The following JAG1 variants were observed in gnomAD, a reference collection of about 807,000 sequenced individuals.
JAG1 encodes the protein protein jagged-1.
JAG1 carries 23 observed loss-of-function variants against 148.7 expected under a neutral mutation model. That is an observed-to-expected ratio of 0.15 (90% confidence interval 0.11 to 0.22). The LOEUF (loss-of-function observed/expected upper bound fraction) is 0.22, where lower values mean the gene tolerates loss of function less well. Ranked by LOEUF, JAG1 falls within the 10% of genes least tolerant of loss-of-function variation. JAG1 has a pLI of 1.00. For synonymous variants in JAG1, 572 were observed against 598.3 expected (o/e 0.96, Z 0.64); for missense variants, 1,054 against 1,611.2 (o/e 0.65, Z 5.92).
chr20:10,666,384 G>A (rs770088244), intron 2 of JAG1, among the ~76,000 whole-genome samples: 26 of 152,228 alleles, frequency 1.7e-4, no homozygotes, highest in East Asian at 1.9e-4. Context: ...ATCAAAGCAG[G>A]GACCAGGCCA....
At chr20:10,644,557 C>A in intron 18 of JAG1, 173 bp from the exon 19 acceptor site, 1 of 689,066 alleles carries the variant, frequency 1.5e-6, no homozygotes. Context: ...GTTTCATTTG[C>A]TGTGGGACAC....
chr20:10,642,722 G>C, intron 20 of JAG1, 121 bp from the exon 21 acceptor site: 3 of 724,656 alleles, frequency 4.1e-6, no homozygotes, highest in Non-Finnish European at 7.5e-6. Context: ...TTTTCACTCA[G>C]GTAAGCAGCA....
At chr20:10,668,782 G>A (rs1162020932) in intron 2 of JAG1, among the ~76,000 whole-genome samples, 1 of 152,032 alleles carries the variant, frequency 6.6e-6, no homozygotes, top group Non-Finnish European at 1.5e-5. Flanking sequence ...GCAGCACTTA[G>A]ATTGCTGATT....
At position 10,639,967 on chromosome 20, in the gene JAG1, G is replaced by A. The variant is rs754439203; in HGVS notation, c.3200-12C>T. ...GGGAACAAGGAAATCTGTAAGGCAG[G>A]CACAAAACCAATTAACTCTCCAAGA... On this transcript the variant is annotated splice_polypyrimidine_tract_variant and intron_variant, in intron 25 of 25. Coordinates refer to ENST00000254958, the MANE Select transcript of JAG1 (RefSeq NM_000214.3). 17 of 1,596,026 alleles carry A rather than the reference G, an allele frequency of 1.1e-5. No individual in the cohort carries two copies. The highest frequency in any genetic ancestry group is 1.5e-5 in the Non-Finnish European group (17 of 1,163,896).
At chr20:10,640,096 A>G (rs2067259955) in intron 25 of JAG1, 141 bp from the exon 26 acceptor site, 2 of 724,036 alleles carry the variant, frequency 2.8e-6, no homozygotes, top group Non-Finnish European at 4.9e-6. Flanking sequence ...CCTTTTCATC[A>G]TTGCATATGG....
chr20:10,666,594 G>A (rs970677661), intron 2 of JAG1, among the ~76,000 whole-genome samples: 11 of 152,180 alleles, frequency 7.2e-5, no homozygotes, highest in South Asian at 4.1e-4. Context: ...AGACTCTGCC[G>A]AAGAGTCACC....
intron 3 of JAG1, among the ~76,000 whole-genome samples, chr20:10,659,590 A>C (rs1375101755): frequency 1.9e-5 from 2 of 104,644 alleles, no homozygotes; most frequent in African/African-American, 4.7e-5. Flanking sequence ...TTTTTTTTAC[A>C]ATTGTTAACA....
rs748640724 is a variant in JAG1 at position 10,646,034 on chromosome 20, C to T, written c.1936G>A (p.Asp646Asn). The change falls in exon 15 of 26, where the codon GAT (aspartate) becomes AAT (asparagine). Residue 646 changes from aspartate to asparagine, a missense_variant. Around this residue, in one of 6 missense-constraint regions of JAG1, gnomAD observed 35 missense variants for 99.7 expected, o/e 0.35. Transcript: ENST00000254958. ...NPCRNGGTCI[D>N]GVNSYKCICS... is the part of the protein sequence containing the mutation. ...ATGCACTTGTAGGAGTTGACACCAT[C>T]GATGCAAGTGCCACCGTTTCTACAA... is the stretch of plus-strand genomic sequence containing the variant. The T allele has an allele frequency of 1.9e-6, 3 of 1,613,884 alleles. No homozygotes were observed. The highest frequency in any genetic ancestry group is 1.1e-5 in the South Asian group (1 of 91,078).
At chr20:10,665,783 C>A (rs1316252775) in intron 2 of JAG1, among the ~76,000 whole-genome samples, 1 of 152,142 alleles carries the variant, frequency 6.6e-6, no homozygotes, top group Admixed American at 6.5e-5. Context: ...ACATAATACC[C>A]ACAAACCCCA....
At chr20:10,644,276 TCACACACACACACACACA>T (rs33967297) in intron 19 of JAG1, 63 bp downstream of exon 19, 98 of 884,094 alleles carry the variant, frequency 1.1e-4, no homozygotes, top group Admixed American at 6.9e-4. Flanking sequence ...TGGGTGATTC[TCACACACACACACACACA>T]CACACACACA....
Position 10,672,824 on chromosome 20 carries a change from G to A in JAG1, c.264C>T (p.Ala88=), listed in dbSNP as rs1473297367. The A allele has an allele frequency of 8.1e-6, 13 of 1,613,076 alleles. No homozygotes were observed. Among genetic ancestry groups the A allele is most frequent in the Non-Finnish European group, 1.1e-5 (13 of 1,180,030 alleles). The change falls in exon 2 of 26, where the codon GCC becomes GCT. Residue 88 remains alanine, a synonymous_variant. Coordinates refer to ENST00000254958, the MANE Select transcript of JAG1 (RefSeq NM_000214.3). ...CTGAGCCGAAGCTGCAGGGCCCCCC[G>A]GCCGTGACGCGGGACTGATACTCCT... ...CLKEYQSRVT[A]GGPCSFGSGS...
At chr20:10,668,092 TAAA>T (rs58852175) in intron 2 of JAG1, among the ~76,000 whole-genome samples, 46,111 of 107,742 alleles carry the variant, frequency 0.43, 7,868 homozygotes, top group East Asian at 0.64. Flanking sequence ...ACTGGCACCA[TAAA>T]AAAAAAAAAA....
At chr20:10,655,971 A>G (rs1237764317) in intron 5 of JAG1, among the ~76,000 whole-genome samples, 1 of 152,212 alleles carries the variant, frequency 6.6e-6, no homozygotes, top group Non-Finnish European at 1.5e-5. Context: ...AGATTGGACT[A>G]ATCCCATTCT....
intron 2 of JAG1, among the ~76,000 whole-genome samples, 167 bp from the exon 3 acceptor site, chr20:10,664,181 TC>T (rs1265580667): frequency 6.6e-6 from 1 of 152,054 alleles, no homozygotes; most frequent in Non-Finnish European, 1.5e-5. Flanking sequence ...CCAAACCAAC[TC>T]CCCTTCCTTT....
chr20:10,651,163 GC>G (rs1461390458), intron 8 of JAG1: 1 of 180,630 alleles, frequency 5.5e-6, no homozygotes, highest in Non-Finnish European at 1.2e-5. Context: ...CTGATATACA[GC>G]CCTGTCTCAC....
rs1313651759 is a variant in JAG1, at chr20:10,646,932, G to T, written c.1885+7C>A. 1 of 1,614,000 alleles carries T rather than the reference G, an allele frequency of 6.2e-7. No individual in the cohort carries two copies. Among genetic ancestry groups the T allele is most frequent in the Non-Finnish European group, 8.5e-7 (1 of 1,179,866 alleles). On this transcript the variant is annotated splice_region_variant and intron_variant, in intron 14 of 25. Coordinates refer to ENST00000254958, the MANE Select transcript of JAG1 (RefSeq NM_000214.3). ...CACTGGTCCATTCCCGGATGAGGGA[G>T]TCTTACTTTCATGGCAGTATGTTCC... is the stretch of plus-strand genomic sequence containing the variant.
At position 10,672,584 on chromosome 20, in the gene JAG1, C is replaced by A. The variant is rs6108660; in HGVS notation, c.387+117G>T. 5,854 of 1,039,308 alleles carry A rather than the reference C, an allele frequency of 5.6e-3. 179 individuals carry two copies. In the African/African-American group the frequency reaches 0.078, roughly 14 times the overall value. The allele number at this position is 1,039,308 out of a possible 1,614,324, so 64.4% of individuals were successfully genotyped here. A position where few individuals can be genotyped will look rare whatever the true frequency, so the allele number is the denominator to read the frequency against. On this transcript the variant is annotated intron_variant, in intron 2 of 25. Coordinates refer to ENST00000254958, the MANE Select transcript of JAG1 (RefSeq NM_000214.3). ...CACCCGCCACCCCTAGAGATTTCCC[C>A]AGTTAGCGCCTAGTTTCAAGCCAAA...
chr20:10,660,252 G>A (rs991480777), intron 3 of JAG1, among the ~76,000 whole-genome samples: 1 of 152,198 alleles, frequency 6.6e-6, no homozygotes, highest in Non-Finnish European at 1.5e-5. Flanking sequence ...TGCTGCGTGG[G>A]CAAGACAAGC....
In JAG1 at chr20:10,652,192, T is replaced by C. The variant is rs1158585077; in HGVS notation, c.945A>G (p.Thr315=). The C allele has an allele frequency of 3.1e-6, 5 of 1,613,970 alleles. No individual in the cohort carries two copies. Among genetic ancestry groups the C allele is most frequent in the Non-Finnish European group, 4.2e-6 (5 of 1,179,824 alleles). Residue 315 remains threonine, a synonymous_variant, in exon 7 of 26, where the codon ACA becomes ACG. Transcript: ENST00000254958. ...AGGAACACTGATATTTGTCAGGGCC[T>C]GTGTTGCTACAAGTTCCCCCGTTGA... ...PCLNGGTCSN[T]GPDKYQCSCP...
Sources: gnomAD v4.1 joint callset for allele counts (sites outside exome capture counted in the v4.1 genomes callset) on GRCh38, gnomAD v4.1.1 for gene constraint, gnomAD v4.1.1 regional missense constraint, MANE v1.5 for transcripts, NCBI Gene and HGNC (gene_info 2026-07-23, HGNC 2026-07-21) for gene names.